The following KDM2A variants were observed in gnomAD, a reference collection of about 807,000 sequenced individuals.
The protein encoded by KDM2A is lysine-specific demethylase 2A.
A neutral mutation model predicts 137.3 loss-of-function variants in KDM2A; 3 were observed. The ratio of observed to expected loss-of-function variants is 0.02; its 90% CI spans 0.01 to 0.06. The LOEUF (loss-of-function observed/expected upper bound fraction) is 0.06, where lower values mean the gene tolerates loss of function less well. KDM2A is among the 10% of genes least tolerant of loss of function. The pLI is 1.00. For missense variants in KDM2A, 738 were observed against 1,510.6 expected (o/e 0.49, Z 8.48); for synonymous variants, 512 against 541.5 (o/e 0.95, Z 0.76).
chr11:67,162,722 A>T lies in KDM2A; in HGVS notation c.43-17357A>T, dbSNP rs780799841. The stretch of plus-strand genomic sequence containing the variant: ...CGCCCGGCCTGCGATTTTTAGTTTT[A>T]TTTTTTTCCTAGACAAGGTCTTGCT... On this transcript the variant is annotated intron_variant, in intron 2 of 20. Transcript: ENST00000529006. Among the ~76,000 whole-genome samples the T allele has an allele frequency of 2.7e-5, 4 of 146,676 alleles. No homozygotes were observed. In the Admixed American group the frequency reaches 2.7e-4, roughly 10 times the overall value.
At position 67,181,313 on chromosome 11, in the gene KDM2A, G is replaced by A. The variant is rs377444009; in HGVS notation, c.182-7G>A. The stretch of plus-strand genomic sequence containing the variant: ...CTTATCTTTCTAATATTTTCCTATG[G>A]TGACAGATTTTAATGTAGAGTATAT... On this transcript the variant is annotated splice_region_variant and splice_polypyrimidine_tract_variant and intron_variant, in intron 3 of 20. Coordinates refer to ENST00000529006, the MANE Select transcript of KDM2A (RefSeq NM_012308.3). 1.9e-6 allele frequency: 3 copies of A among 1,586,998 alleles called. No individual in the cohort carries two copies. Among genetic ancestry groups the A allele is most frequent in the Non-Finnish European group, 2.6e-6 (3 of 1,159,098 alleles).
chr11:67,143,639 A>T (rs1442113195), intron 2 of KDM2A, among the ~76,000 whole-genome samples: 1 of 150,896 alleles, frequency 6.6e-6, no homozygotes, highest in East Asian at 1.9e-4. Context: ...TTATTTATTT[A>T]TTTATTTTTT....
intron 6 of KDM2A, among the ~76,000 whole-genome samples, chr11:67,212,836 A>G (rs933059706): frequency 6.6e-6 from 1 of 152,068 alleles, no homozygotes; most frequent in African/African-American, 2.4e-5. Context: ...CTATTCAGAC[A>G]TGGGAGCTTA....
Position 67,247,067 on chromosome 11 carries a change from AT to A in KDM2A, c.1965+952del, listed in dbSNP as rs1859259532. On this transcript the variant is annotated intron_variant, in intron 15 of 20. Transcript: ENST00000529006. ...TATATATATATATATATATATATAT[AT>A]ATATTTTTTTTTTTTTTTTTTTTTT... is the stretch of plus-strand genomic sequence containing the variant. Among the ~76,000 whole-genome samples, 7 of 27,522 alleles carry A rather than the reference AT, an allele frequency of 2.5e-4. No individual in the cohort carries two copies. The East Asian group carries it at 4.1e-3, about 16-fold the overall frequency. The allele number at this position is 27,522 out of a possible 152,430, so 18.1% of individuals were successfully genotyped here. A position where few individuals can be genotyped will look rare whatever the true frequency, so the allele number is the denominator to read the frequency against.
At chr11:67,162,980 GATTA>G (rs2136318259) in intron 2 of KDM2A, among the ~76,000 whole-genome samples, 1 of 152,292 alleles carries the variant, frequency 6.6e-6, no homozygotes, top group Non-Finnish European at 1.5e-5. Flanking sequence ...AAAGCGTTGG[GATTA>G]TAGGCTTGAG....
At chr11:67,160,322 C>G (rs1460513333) in intron 2 of KDM2A, among the ~76,000 whole-genome samples, 1 of 152,156 alleles carries the variant, frequency 6.6e-6, no homozygotes. Flanking sequence ...GCTGGCCTGC[C>G]TTTGCCGGTT....
chr11:67,224,325 C>A (rs531927525), intron 10 of KDM2A, among the ~76,000 whole-genome samples: 1 of 152,148 alleles, frequency 6.6e-6, no homozygotes, highest in Admixed American at 6.6e-5. Context: ...AGCTGTATGG[C>A]CAGATATGGT....
chr11:67,202,616 C>G (rs1441831823), intron 5 of KDM2A, among the ~76,000 whole-genome samples: 1 of 146,292 alleles, frequency 6.8e-6, no homozygotes, highest in Admixed American at 6.8e-5. Flanking sequence ...ACTAAAAATA[C>G]AAAAAAAAAA....
At chr11:67,207,143 A>C (rs978452549) in intron 5 of KDM2A, among the ~76,000 whole-genome samples, 1 of 152,230 alleles carries the variant, frequency 6.6e-6, no homozygotes, top group Non-Finnish European at 1.5e-5. Context: ...TTGACTCTAG[A>C]GTGAGCCTGC....
intron 6 of KDM2A, among the ~76,000 whole-genome samples, chr11:67,210,371 A>C (rs989159980): frequency 6.6e-6 from 1 of 152,136 alleles, no homozygotes; most frequent in African/African-American, 2.4e-5. Flanking sequence ...ACTAAGCAGC[A>C]ACAAGAAAAA....
chr11:67,225,222 TATC>T (rs1241975202), intron 10 of KDM2A, among the ~76,000 whole-genome samples: 3 of 152,200 alleles, frequency 2.0e-5, no homozygotes, highest in South Asian at 2.1e-4. Flanking sequence ...AAACAAAAGA[TATC>T]ATTCTATTTA....
intron 6 of KDM2A, 52 bp downstream of exon 6, chr11:67,207,740 T>C: frequency 7.1e-7 from 1 of 1,414,142 alleles, no homozygotes. Flanking sequence ...AGGGTTGTTT[T>C]CGGCTGGACG....
intron 10 of KDM2A, among the ~76,000 whole-genome samples, chr11:67,220,222 G>A (rs1022185292): frequency 6.6e-6 from 1 of 152,004 alleles, no homozygotes; most frequent in Non-Finnish European, 1.5e-5. Flanking sequence ...GTGTTGCCCA[G>A]GCTTGTCTTG....
At chr11:67,196,580 T>C (rs1329269783) in intron 5 of KDM2A, 2 of 407,314 alleles carry the variant, frequency 4.9e-6, no homozygotes, top group African/African-American at 2.1e-5. Flanking sequence ...TACTACACAT[T>C]ACATGAATCC....
intron 3 of KDM2A, 191 bp downstream of exon 3, chr11:67,180,408 T>G: frequency 2.0e-6 from 1 of 504,828 alleles, no homozygotes; most frequent in Non-Finnish European, 3.4e-6. Flanking sequence ...CATTCTCTCC[T>G]ATATTAGAAG....
At chr11:67,252,997 G>C (rs1859482094) in intron 18 of KDM2A, 140 bp downstream of exon 18, 4 of 962,298 alleles carry the variant, frequency 4.2e-6, no homozygotes, top group Non-Finnish European at 6.0e-6. Context: ...CTTAGCAAGA[G>C]GTTTACCCAG....
At chr11:67,201,506 C>T (rs1857623097) in intron 5 of KDM2A, among the ~76,000 whole-genome samples, 1 of 151,830 alleles carries the variant, frequency 6.6e-6, no homozygotes, top group African/African-American at 2.4e-5. Flanking sequence ...TGCGGTGGCT[C>T]ACGCCTGTAA....
intron 2 of KDM2A, among the ~76,000 whole-genome samples, chr11:67,170,720 G>A (rs1344344327): frequency 6.6e-6 from 1 of 151,990 alleles, no homozygotes; most frequent in Non-Finnish European, 1.5e-5. Flanking sequence ...GCCCAAGCAT[G>A]GTTTTCTGAC....
chr11:67,248,496 G>T, intron 16 of KDM2A, 126 bp downstream of exon 16: 8 of 622,648 alleles, frequency 1.3e-5, no homozygotes, highest in South Asian at 2.2e-5. Context: ...ATTTTTGTTT[G>T]GTTTGGTATG....
Sources: allele counts gnomAD v4.1 joint callset (sites outside exome capture counted in the v4.1 genomes callset), GRCh38; gene constraint gnomAD v4.1.1; transcripts MANE v1.5; gene names NCBI Gene and HGNC (gene_info 2026-07-23, HGNC 2026-07-21).